The following LRRIQ1 variants were observed in gnomAD, a reference collection of about 807,000 sequenced individuals.
LRRIQ1 encodes leucine rich repeats and IQ motif containing 1.
In LRRIQ1, 210 loss-of-function variants were observed where a neutral mutation model predicts 211.9. The ratio of observed to expected loss-of-function variants is 0.99; its 90% CI spans 0.89 to 1.11. The LOEUF (loss-of-function observed/expected upper bound fraction) is 1.11, where lower values mean the gene tolerates loss of function less well. Ranked by LOEUF, LRRIQ1 falls within the 50% of genes most tolerant of loss-of-function variation. The pLI is 0.00. For missense variants in LRRIQ1, 2,136 were observed against 1,939.5 expected, an observed-to-expected ratio of 1.10 and a Z score of -1.90; for synonymous variants, 699 against 650.1, an observed-to-expected ratio of 1.08 and a Z score of -1.14.
At chr12:85,230,119 T>C (rs1894858693) in intron 25 of LRRIQ1, among the ~76,000 whole-genome samples, 1 of 152,198 alleles carries the variant, frequency 6.6e-6, no homozygotes, top group African/African-American at 2.4e-5. Context: ...TTCTAACTCA[T>C]GGCGTACAGG....
At chr12:85,235,260 G>A (rs1895124641) in intron 26 of LRRIQ1, among the ~76,000 whole-genome samples, 2 of 152,072 alleles carry the variant, frequency 1.3e-5, no homozygotes, top group Admixed American at 1.3e-4. Context: ...ATATTTAATT[G>A]ACTAAATGGA....
intron 26 of LRRIQ1, among the ~76,000 whole-genome samples, chr12:85,233,963 G>C (rs1185553444): frequency 6.6e-6 from 1 of 152,096 alleles, no homozygotes. Flanking sequence ...AAGCATGGTG[G>C]TTCAGGCCTG....
Position 85,067,752 on chromosome 12 carries a change from C to A in LRRIQ1, c.2695+854C>A, listed in dbSNP as rs1592730914. Reference sequence around the variant, plus strand: ...CCATTATTTTACATCAGCCTTCTGTCAAAGTGTTTCTATTGCTGTGTCCTT... The same window carrying A: ...CCATTATTTTACATCAGCCTTCTGTAAAAGTGTTTCTATTGCTGTGTCCTT... On this transcript the variant is annotated intron_variant, in intron 10 of 26. Transcript: ENST00000393217. Among the ~76,000 whole-genome samples, 3 of 151,804 alleles carry A rather than the reference C, an allele frequency of 2.0e-5. No individual in the cohort carries two copies. The South Asian group carries it at 6.2e-4, about 32-fold the overall frequency.
intron 24 of LRRIQ1, among the ~76,000 whole-genome samples, chr12:85,190,006 AAT>A (rs1592942215): frequency 7.0e-6 from 1 of 141,864 alleles, no homozygotes; most frequent in Non-Finnish European, 1.5e-5. Context: ...TATATAATTT[AAT>A]ATGTTATAAT....
At chr12:85,196,119 G>T (rs1892893682) in intron 24 of LRRIQ1, among the ~76,000 whole-genome samples, 1 of 152,070 alleles carries the variant, frequency 6.6e-6, no homozygotes, top group South Asian at 2.1e-4. Context: ...CAACTTACAA[G>T]GGATGTGAAG....
chr12:85,174,353 G>T (rs1385333074), intron 24 of LRRIQ1, among the ~76,000 whole-genome samples: 2 of 151,678 alleles, frequency 1.3e-5, no homozygotes, highest in Non-Finnish European at 2.9e-5. Context: ...ACATACAAAA[G>T]AAAATATAAA....
chr12:85,115,036 T>C (rs1246562102), intron 15 of LRRIQ1, among the ~76,000 whole-genome samples: 1 of 152,212 alleles, frequency 6.6e-6, no homozygotes, highest in Non-Finnish European at 1.5e-5. Context: ...TTTTAAAACT[T>C]AATCCATAGA....
chr12:85,271,552 A>G, the LRRIQ1 span, among the ~76,000 whole-genome samples: 1 of 152,126 alleles, frequency 6.6e-6, no homozygotes, highest in Non-Finnish European at 1.5e-5. Flanking sequence ...CTCTATAAAA[A>G]TAGTTTCCAG....
Position 85,121,974 on chromosome 12 carries a change from G to C in LRRIQ1, c.3557+98G>C, listed in dbSNP as rs1888021073. On this transcript the variant is annotated intron_variant, in intron 16 of 26. Coordinates refer to ENST00000393217, the MANE Select transcript of LRRIQ1 (RefSeq NM_001079910.2). ...CTGATTAACACAATTATACTTTTTT[G>C]GATTAGAACAGTGTGTTTTGGGGAT... 4 of 1,044,146 alleles carry C rather than the reference G, an allele frequency of 3.8e-6. No homozygotes were observed. The East Asian group carries it at 1.2e-4, about 32-fold the overall frequency. The allele number at this position is 1,044,146 out of a possible 1,614,324, so 64.7% of individuals were successfully genotyped here. A position where few individuals can be genotyped will look rare whatever the true frequency, so the allele number is the denominator to read the frequency against.
Position 85,154,145 on chromosome 12 carries a change from T to G in LRRIQ1, c.4720+51T>G, listed in dbSNP as rs185722429. 9.9e-5 allele frequency: 95 copies of G among 956,308 alleles called. 1 individual carries two copies. The African/African-American group carries it at 1.4e-3, about 14-fold the overall frequency. 59.2% of individuals were successfully genotyped at this position (956,308 alleles called of 1,614,324 possible). ...ATAACTGTGTATGGAAAATTGAAGATAACTTCTTTAAAATATATTTTATAA... is the reference window on the plus strand; with the variant it reads ...ATAACTGTGTATGGAAAATTGAAGAGAACTTCTTTAAAATATATTTTATAA... On this transcript the variant is annotated intron_variant, in intron 23 of 26. Coordinates refer to ENST00000393217, the MANE Select transcript of LRRIQ1 (RefSeq NM_001079910.2).
At chr12:85,232,887 TATC>T (rs1158955267) in intron 26 of LRRIQ1, 131 bp downstream of exon 26, 1 of 620,082 alleles carries the variant, frequency 1.6e-6, no homozygotes, top group Non-Finnish European at 2.8e-6. Context: ...AATATCAAAA[TATC>T]ATGTGTTAAA....
intron 1 of LRRIQ1, among the ~76,000 whole-genome samples, chr12:85,260,582 CTTCATTAG>C (rs1186098532): frequency 6.6e-6 from 1 of 152,008 alleles, no homozygotes. Flanking sequence ...TGTAAAGTTA[CTTCATTAG>C]TTCATTACTC....
chr12:85,196,667 A>G (rs985140140), intron 24 of LRRIQ1, among the ~76,000 whole-genome samples: 51 of 152,178 alleles, frequency 3.4e-4, no homozygotes, highest in Non-Finnish European at 6.9e-4. Flanking sequence ...ACCTTATACA[A>G]AAATCAATTC....
chr12:85,047,494 T>G (rs1292155405), intron 6 of LRRIQ1, 24 bp downstream of exon 6: 1 of 1,586,400 alleles, frequency 6.3e-7, no homozygotes, highest in Non-Finnish European at 8.6e-7. Flanking sequence ...GTTTTTCATG[T>G]ATTTTTAAAA....
intron 8 of LRRIQ1, among the ~76,000 whole-genome samples, chr12:85,058,287 G>A (rs7302315): frequency 0.22 from 33,323 of 151,860 alleles, 4,327 homozygotes; most frequent in Admixed American, 0.31. Flanking sequence ...TGCCACATCT[G>A]TCAGGTCTGC....
chr12:85,133,190 A>G (rs1192737568), intron 18 of LRRIQ1, among the ~76,000 whole-genome samples: 1 of 152,146 alleles, frequency 6.6e-6, no homozygotes, highest in South Asian at 2.1e-4. Flanking sequence ...CTACATGGCA[A>G]TCCTATATGA....
At chr12:85,065,204 G>A (rs961546105) in intron 8 of LRRIQ1, 58 bp from the exon 9 acceptor site, 18 of 1,400,420 alleles carry the variant, frequency 1.3e-5, no homozygotes, top group Non-Finnish European at 1.6e-5. Flanking sequence ...GGCTAATATT[G>A]TTTATATTCA....
chr12:85,226,512 A>C (rs935548250), intron 24 of LRRIQ1, among the ~76,000 whole-genome samples: 4 of 149,386 alleles, frequency 2.7e-5, no homozygotes, highest in African/African-American at 9.8e-5. Flanking sequence ...CTTTTGTATA[A>C]TTATTTTTTT....
chr12:85,252,714 A>G (rs554669334), intron 1 of LRRIQ1, among the ~76,000 whole-genome samples: 33 of 151,920 alleles, frequency 2.2e-4, no homozygotes, highest in Non-Finnish European at 4.0e-4. Flanking sequence ...GAACTCTAGT[A>G]TATTAATGGA....
Sources: gnomAD v4.1 joint callset for allele counts (sites outside exome capture counted in the v4.1 genomes callset) on GRCh38, gnomAD v4.1.1 for gene constraint, MANE v1.5 for transcripts, NCBI Gene and HGNC (gene_info 2026-07-23, HGNC 2026-07-21) for gene names.